AKNAD1: variants seen among roughly 807,000 people sequenced by gnomAD.
AKNAD1 encodes the protein AKNA domain containing 1, also known as protein AKNAD1.
A neutral mutation model predicts 90.8 loss-of-function variants in AKNAD1; 67 were observed. The observed-to-expected ratio is 0.74, with a 90% CI of 0.61 to 0.90. AKNAD1 has a LOEUF of 0.90. AKNAD1 is among the 40% of genes least tolerant of loss of function. AKNAD1 has a pLI of 0.00. For synonymous variants in AKNAD1, 327 were observed against 341.4 expected, an observed-to-expected ratio of 0.96 and a Z score of 0.46; for missense variants, 957 against 975.4, an observed-to-expected ratio of 0.98 and a Z score of 0.25.
At chr1:108,833,945 C>G (rs1664292204) in intron 9 of AKNAD1, among the ~76,000 whole-genome samples, 1 of 151,964 alleles carries the variant, frequency 6.6e-6, no homozygotes, top group South Asian at 2.1e-4. Context: ...TCTGAGCCAA[C>G]ATAATTATTA....
intron 5 of AKNAD1, among the ~76,000 whole-genome samples, chr1:108,844,163 G>A (rs1664635323): frequency 1.3e-5 from 2 of 152,312 alleles, no homozygotes; most frequent in South Asian, 4.1e-4. Context: ...ATTAGTTCAA[G>A]ACCGGCCTGA....
intron 6 of AKNAD1, among the ~76,000 whole-genome samples, chr1:108,839,715 A>T (rs1048465977): frequency 6.6e-6 from 1 of 152,184 alleles, no homozygotes; most frequent in African/African-American, 2.4e-5. Context: ...AGTTCTCATT[A>T]TTATTAGTAA....
At chr1:108,832,329 C>T (rs1570806663) in intron 9 of AKNAD1, among the ~76,000 whole-genome samples, 2 of 150,452 alleles carry the variant, frequency 1.3e-5, no homozygotes, top group East Asian at 3.9e-4. Context: ...AAGTGATTCT[C>T]CCACCTCAGC....
intron 14 of AKNAD1, among the ~76,000 whole-genome samples, chr1:108,817,965 G>C (rs1390792842): frequency 6.6e-6 from 1 of 152,180 alleles, no homozygotes; most frequent in Non-Finnish European, 1.5e-5. Context: ...AAGTAAACAG[G>C]CTCCCCTTGC....
In AKNAD1 at chr1:108,820,609, G is replaced by A. The variant is rs376795883; in HGVS notation, c.2185C>T (p.Arg729Trp). 4.8e-5 allele frequency: 77 copies of A among 1,609,080 alleles called. 1 individual carries two copies. Among genetic ancestry groups the A allele is most frequent in the Non-Finnish European group, 6.3e-5 (74 of 1,177,098 alleles). The change falls in exon 14 of 16, where the codon CGG becomes TGG. Residue 729 changes from arginine to tryptophan, a missense_variant. Coordinates refer to ENST00000370001, the MANE Select transcript of AKNAD1 (RefSeq NM_152763.5). ...NSSPSFLKPK[R>W]ICSQRVNSKS... ...GAATTCACTCTCTGAGAACAGATCC[G>A]TTTGGGTTTTAAAAAAGCTGAAAAA...
chr1:108,828,995 A>T (rs1315740601), intron 10 of AKNAD1, among the ~76,000 whole-genome samples: 1 of 151,846 alleles, frequency 6.6e-6, no homozygotes, highest in Admixed American at 6.6e-5. Flanking sequence ...CATTTTATAC[A>T]TATGTAATTT....
chr1:108,852,523 T>C lies in AKNAD1; in HGVS notation c.142A>G (p.Ile48Val). Residue 48 changes from isoleucine (I) to valine (V), a missense_variant, in exon 2 of 16, where the codon ATT becomes GTT. Physicochemically the swap from Ile to Val is conservative, Grantham distance 29 (BLOSUM62 3). Transcript: ENST00000370001. ...TCTTGAGGGTCATCTGCTATGAAAATAATTTGATTTAAGACTTCAAGGCCA... is the reference window on the plus strand; with the variant it reads ...TCTTGAGGGTCATCTGCTATGAAAACAATTTGATTTAAGACTTCAAGGCCA... ...KDGLEVLNQI[I>V]FIADDPQEKA... 6.2e-7 allele frequency: 1 copy of C among 1,614,158 alleles called. No individual in the cohort carries two copies. The highest frequency in any genetic ancestry group is 2.2e-5 in the East Asian group (1 of 44,890).
intron 9 of AKNAD1, among the ~76,000 whole-genome samples, chr1:108,832,784 A>G (rs1166865975): frequency 2.6e-5 from 4 of 152,178 alleles, no homozygotes; most frequent in South Asian, 2.1e-4. Context: ...ATAATGAGAT[A>G]TCAGTTTTCA....
intron 5 of AKNAD1, 124 bp from the exon 6 acceptor site, chr1:108,843,391 C>T: frequency 1.6e-6 from 2 of 1,235,616 alleles, no homozygotes; most frequent in Admixed American, 2.6e-5. Context: ...CTTCTCCCAG[C>T]AGCATAAATT....
upstream of AKNAD1, chr1:108,858,070 GTC>G (rs1251738375): frequency 3.3e-5 from 5 of 152,666 alleles, no homozygotes; most frequent in Non-Finnish European, 4.4e-5. Flanking sequence ...ACATCTTGGA[GTC>G]TCTGGATATC....
chr1:108,857,694 G>T (rs1465390090), upstream of AKNAD1, among the ~76,000 whole-genome samples: 1 of 152,058 alleles, frequency 6.6e-6, no homozygotes, highest in Non-Finnish European at 1.5e-5. Context: ...CTATGTGTAG[G>T]ACCCAGACAT....
At chr1:108,841,560 A>G (rs1030917289) in intron 6 of AKNAD1, among the ~76,000 whole-genome samples, 1 of 152,230 alleles carries the variant, frequency 6.6e-6, no homozygotes, top group Non-Finnish European at 1.5e-5. Context: ...ATTACCTTGT[A>G]AAGGTAATAA....
At chr1:108,836,498 G>A (rs543653162) in intron 7 of AKNAD1, among the ~76,000 whole-genome samples, 2 of 152,176 alleles carry the variant, frequency 1.3e-5, no homozygotes, top group African/African-American at 4.8e-5. Flanking sequence ...TTGGGGGTGA[G>A]GAGGGTGGCT....
chr1:108,832,935 C>T (rs1664253862), intron 9 of AKNAD1, among the ~76,000 whole-genome samples: 1 of 152,174 alleles, frequency 6.6e-6, no homozygotes, highest in African/African-American at 2.4e-5. Flanking sequence ...GAATTTTCAG[C>T]ATGTACCATT....
chr1:108,823,795 C>A, intron 11 of AKNAD1, 107 bp from the exon 12 acceptor site: 1 of 1,531,284 alleles, frequency 6.5e-7, no homozygotes, highest in Non-Finnish European at 8.8e-7. Context: ...TGTTTGGCAC[C>A]AAAGTGCTTA....
At chr1:108,827,444 G>GCCC in intron 10 of AKNAD1, 142 bp from the exon 11 acceptor site, 3 of 625,652 alleles carry the variant, frequency 4.8e-6, no homozygotes, top group Non-Finnish European at 8.4e-6. Context: ...TCTACACAGA[G>GCCC]CTCTCCTCTG....
chr1:108,819,751 AT>A (rs1042580652), intron 14 of AKNAD1, among the ~76,000 whole-genome samples: 202 of 105,208 alleles, frequency 1.9e-3, no homozygotes, highest in Middle Eastern at 5.7e-3. Flanking sequence ...GTCTCTACAA[AT>A]TTTTTTTTTT....
rs936490198 is a variant in AKNAD1, at chr1:108,857,084, T to C, written c.-259A>G. On this transcript the variant is annotated 5_prime_UTR_variant, in exon 1 of 16. Coordinates refer to ENST00000370001, the MANE Select transcript of AKNAD1 (RefSeq NM_152763.5). ...TTCTGTAGAATCCAAATTGATTTTCTGAAGTCAGGTGACTACATTTGGGGC... is the reference window on the plus strand; with the variant it reads ...TTCTGTAGAATCCAAATTGATTTTCCGAAGTCAGGTGACTACATTTGGGGC... 29 of 152,250 alleles carry C rather than the reference T, an allele frequency of 1.9e-4. No individual in the cohort carries two copies. Among genetic ancestry groups the C allele is most frequent in the African/African-American group, 7.0e-4 (29 of 41,466 alleles). The allele number at this position is 152,250 out of a possible 1,614,324, so 9.4% of individuals were successfully genotyped here.
intron 11 of AKNAD1, among the ~76,000 whole-genome samples, chr1:108,824,907 C>G (rs1410134035): frequency 6.6e-6 from 1 of 151,580 alleles, no homozygotes; most frequent in Non-Finnish European, 1.5e-5. Flanking sequence ...TTTAGTGACT[C>G]ACTTCTAACA....
Sources: gnomAD v4.1 joint callset for allele counts (sites outside exome capture counted in the v4.1 genomes callset) on GRCh38, gnomAD v4.1.1 for gene constraint, MANE v1.5 for transcripts, NCBI Gene and HGNC (gene_info 2026-07-23, HGNC 2026-07-21) for gene names.